Variants in ASAP1 observed in about 807,000 individuals in gnomAD.
ASAP1 encodes the protein arf-GAP with SH3 domain, ANK repeat and PH domain-containing protein 1.
A neutral mutation model predicts 145.2 loss-of-function variants in ASAP1; 43 were observed. The ratio of observed to expected loss-of-function variants is 0.30; its 90% CI spans 0.23 to 0.38. ASAP1 has a LOEUF of 0.38. ASAP1 is among the 10% of genes least tolerant of loss of function. The pLI, the probability that ASAP1 is intolerant of heterozygous loss-of-function variation, is 1.00. For missense variants in ASAP1, 1,018 were observed against 1,355.3 expected, an observed-to-expected ratio of 0.75 and a Z score of 3.91; for synonymous variants, 546 against 515.5, an observed-to-expected ratio of 1.06 and a Z score of -0.80.
intron 1 of ASAP1, among the ~76,000 whole-genome samples, chr8:130,443,222 C>T (rs532480740): frequency 2.6e-5 from 4 of 150,980 alleles, no homozygotes; most frequent in African/African-American, 4.9e-5. Context: ...ACCTCCCCCC[C>T]CCACCGGGCG....
intron 18 of ASAP1, 160 bp from the exon 19 acceptor site, chr8:130,118,835 A>T: frequency 2.3e-6 from 1 of 443,050 alleles, no homozygotes; most frequent in South Asian, 6.2e-5. Context: ...TCCAACAGAG[A>T]CAGAATAAAG....
chr8:130,226,257 G>T (rs1817581177), intron 4 of ASAP1, among the ~76,000 whole-genome samples: 1 of 152,050 alleles, frequency 6.6e-6, no homozygotes, highest in Non-Finnish European at 1.5e-5. Flanking sequence ...CTGTGACCCG[G>T]AAAATAATTT....
In ASAP1 at chr8:130,124,075, A is replaced by G. The variant is rs2097571027; in HGVS notation, c.1545T>C (p.Phe515=). 1 of 1,607,406 alleles carries G rather than the reference A, an allele frequency of 6.2e-7. No individual in the cohort carries two copies. The highest frequency in any genetic ancestry group is 2.2e-5 in the East Asian group (1 of 44,752). The change falls in exon 18 of 30, where the codon TTT becomes TTC. Residue 515 remains phenylalanine, a synonymous_variant. Coordinates refer to ENST00000518721, the MANE Select transcript of ASAP1 (RefSeq NM_018482.4). ...LLAKNVGNNS[F]NDIMEANLPS... Reference sequence around the variant, plus strand: ...GTAAATTTGCTTCCATAATATCATTAAAACTATTGTTTCCTACATTCTTGG... The same window carrying G: ...GTAAATTTGCTTCCATAATATCATTGAAACTATTGTTTCCTACATTCTTGG...
chr8:130,361,673 T>A (rs1237646404), intron 2 of ASAP1: 5 of 1,529,710 alleles, frequency 3.3e-6, no homozygotes, highest in Non-Finnish European at 4.4e-6. Flanking sequence ...TACTCACCAT[T>A]TCTGGGCCAT....
rs577791670 is a variant in ASAP1, at chr8:130,167,664, T to C, written c.823-42A>G. 12 of 1,397,758 alleles carry C rather than the reference T, an allele frequency of 8.6e-6. No individual in the cohort carries two copies. The East Asian group carries it at 2.5e-4, about 30-fold the overall frequency. 86.6% of individuals were successfully genotyped at this position (1,397,758 alleles called of 1,614,324 possible). The stretch of plus-strand genomic sequence containing the variant: ...ACTTCTATTACTTACCATTTACACT[T>C]TCACAGGCAGAGTTTAATTTATCCA... On this transcript the variant is annotated intron_variant, in intron 10 of 29. Transcript: ENST00000518721.
intron 3 of ASAP1, among the ~76,000 whole-genome samples, chr8:130,335,947 C>T (rs971532066): frequency 6.6e-6 from 1 of 152,074 alleles, no homozygotes; most frequent in Non-Finnish European, 1.5e-5. Context: ...CTCCAAGCAA[C>T]TTAATGGTTA....
intron 1 of ASAP1, among the ~76,000 whole-genome samples, chr8:130,430,572 G>A (rs1830101977): frequency 6.6e-6 from 1 of 152,178 alleles, no homozygotes; most frequent in Non-Finnish European, 1.5e-5. Context: ...TTGTTAAGCA[G>A]GAAGGTGACC....
At chr8:130,092,210 T>C (rs1442729058) in intron 24 of ASAP1, 67 bp from the exon 25 acceptor site, 1 of 1,486,914 alleles carries the variant, frequency 6.7e-7, no homozygotes, top group Non-Finnish European at 9.0e-7. Flanking sequence ...ACAGCCAGTA[T>C]GAAATCACTT....
chr8:130,406,330 T>A (rs111814988), intron 1 of ASAP1, among the ~76,000 whole-genome samples: 40 of 152,200 alleles, frequency 2.6e-4, no homozygotes, highest in African/African-American at 8.9e-4. Flanking sequence ...ATGATGATGA[T>A]GATAATGATG....
chr8:130,317,262 A>C, intron 3 of ASAP1, among the ~76,000 whole-genome samples: 1 of 152,154 alleles, frequency 6.6e-6, no homozygotes, highest in East Asian at 1.9e-4. Context: ...TCACTCACCA[A>C]TCCCCATATC....
intron 3 of ASAP1, among the ~76,000 whole-genome samples, chr8:130,356,467 A>T (rs952353480): frequency 6.6e-6 from 1 of 152,202 alleles, no homozygotes; most frequent in Non-Finnish European, 1.5e-5. Flanking sequence ...CAGACCCATG[A>T]TGGGGTTCAA....
intron 3 of ASAP1, among the ~76,000 whole-genome samples, chr8:130,285,614 AGTT>A (rs1821560991): frequency 6.6e-6 from 1 of 152,242 alleles, no homozygotes; most frequent in Admixed American, 6.5e-5. Context: ...ATCTTTGGAA[AGTT>A]AAACACAACA....
At chr8:130,383,324 C>T (rs755149021) in intron 2 of ASAP1, among the ~76,000 whole-genome samples, 1 of 152,150 alleles carries the variant, frequency 6.6e-6, no homozygotes, top group African/African-American at 2.4e-5. Context: ...TGTCCACATC[C>T]CAGACTTTTT....
chr8:130,356,092 T>C (rs1826290448), intron 3 of ASAP1, among the ~76,000 whole-genome samples: 1 of 152,208 alleles, frequency 6.6e-6, no homozygotes, highest in Non-Finnish European at 1.5e-5. Flanking sequence ...AAAAAAATAT[T>C]TGCTTTTAAA....
intron 1 of ASAP1, among the ~76,000 whole-genome samples, chr8:130,435,306 C>T (rs1262566919): frequency 2.0e-5 from 3 of 152,162 alleles, no homozygotes; most frequent in Non-Finnish European, 4.4e-5. Context: ...AAGTCTTTTG[C>T]GTCAGCATGC....
intron 1 of ASAP1, among the ~76,000 whole-genome samples, chr8:130,428,759 TATC>T (rs1439188823): frequency 8.3e-5 from 12 of 143,812 alleles, no homozygotes; most frequent in African/African-American, 3.1e-4. Flanking sequence ...GCAGCACCAT[TATC>T]ATCCCCATTA....
chr8:130,393,233 T>C (rs1468728101), intron 2 of ASAP1, among the ~76,000 whole-genome samples: 1 of 152,222 alleles, frequency 6.6e-6, no homozygotes, highest in East Asian at 1.9e-4. Context: ...CTGTTTGCCA[T>C]ATTCCTGAAA....
At chr8:130,339,519 T>C (rs571773135) in intron 3 of ASAP1, among the ~76,000 whole-genome samples, 1 of 152,238 alleles carries the variant, frequency 6.6e-6, no homozygotes, top group East Asian at 1.9e-4. Flanking sequence ...AGATTCAACA[T>C]GGGGTAAGTC....
At chr8:130,323,287 T>C (rs901054629) in intron 3 of ASAP1, among the ~76,000 whole-genome samples, 13 of 152,166 alleles carry the variant, frequency 8.5e-5, no homozygotes, top group African/African-American at 3.1e-4. Context: ...CATTTAGGGA[T>C]GTGAGAAGGA....
Sources: allele counts gnomAD v4.1 joint callset (sites outside exome capture counted in the v4.1 genomes callset), GRCh38; gene constraint gnomAD v4.1.1; transcripts MANE v1.5; gene names NCBI Gene and HGNC (gene_info 2026-07-23, HGNC 2026-07-21).